The following GRIK4 variants were observed in gnomAD, a reference collection of about 807,000 sequenced individuals.
GRIK4 encodes the protein glutamate ionotropic receptor kainate type subunit 4.
Under a neutral mutation model 104.9 loss-of-function variants are expected in GRIK4, and 40 were observed. The ratio of observed to expected loss-of-function variants is 0.38; its 90% CI spans 0.30 to 0.50. The LOEUF is 0.50. Ranked by LOEUF, GRIK4 falls within the 20% of genes least tolerant of loss-of-function variation. GRIK4 has a pLI of 0.93. For missense variants in GRIK4, 1,047 were observed against 1,308.1 expected, an observed-to-expected ratio of 0.80 and a Z score of 3.08; for synonymous variants, 485 against 524.9, an observed-to-expected ratio of 0.92 and a Z score of 1.04.
At chr11:120,820,438 A>AT (rs1378007337) in intron 6 of GRIK4, among the ~76,000 whole-genome samples, 3 of 152,226 alleles carry the variant, frequency 2.0e-5, no homozygotes, top group Non-Finnish European at 4.4e-5. Context: ...CTGATAAAGC[A>AT]TTTTTTAGCA....
chr11:120,636,118 T>C (rs1949393661), intron 1 of GRIK4, among the ~76,000 whole-genome samples: 2 of 152,252 alleles, frequency 1.3e-5, no homozygotes, highest in South Asian at 4.1e-4. Context: ...TTCATTGCTG[T>C]GTAGTGTTCC....
intron 8 of GRIK4, among the ~76,000 whole-genome samples, chr11:120,845,650 TACAC>T (rs146137487): frequency 0.019 from 2,757 of 146,168 alleles, 69 homozygotes; most frequent in African/African-American, 0.057. Context: ...TGCACACTTC[TACAC>T]ACACACACAC....
intron 1 of GRIK4, among the ~76,000 whole-genome samples, chr11:120,619,202 T>C (rs979333394): frequency 6.6e-6 from 1 of 152,184 alleles, no homozygotes; most frequent in African/African-American, 2.4e-5. Flanking sequence ...TTTGGAGATT[T>C]AAGATTTAAT....
chr11:120,689,666 T>G (rs1950327025), intron 3 of GRIK4, among the ~76,000 whole-genome samples: 1 of 152,094 alleles, frequency 6.6e-6, no homozygotes. Flanking sequence ...CAGACCCAGA[T>G]CACATATCAC....
At chr11:120,597,180 G>A (rs1948813781) in intron 1 of GRIK4, among the ~76,000 whole-genome samples, 1 of 148,614 alleles carries the variant, frequency 6.7e-6, no homozygotes, top group African/African-American at 2.4e-5. Flanking sequence ...TTGTTCTTGG[G>A]CCCCTGGATG....
chr11:120,534,098 A>G (rs968010335), intron 1 of GRIK4, among the ~76,000 whole-genome samples: 1 of 152,144 alleles, frequency 6.6e-6, no homozygotes, highest in Non-Finnish European at 1.5e-5. Context: ...GCACCGGGGT[A>G]CAGAGGGGAG....
chr11:120,773,199 C>G (rs12804333), intron 3 of GRIK4, among the ~76,000 whole-genome samples: 31 of 152,162 alleles, frequency 2.0e-4, no homozygotes, highest in Non-Finnish European at 3.1e-4. Context: ...GCAGAGACAG[C>G]CTTTGTGTCT....
intron 1 of GRIK4, among the ~76,000 whole-genome samples, chr11:120,635,655 T>G (rs1949388529): frequency 1.3e-5 from 2 of 152,198 alleles, no homozygotes; most frequent in South Asian, 4.1e-4. Flanking sequence ...TGGGGTGTGA[T>G]GAGTGTTTGG....
intron 9 of GRIK4, among the ~76,000 whole-genome samples, chr11:120,864,139 G>A (rs1457300517): frequency 6.6e-6 from 1 of 152,116 alleles, no homozygotes; most frequent in African/African-American, 2.4e-5. Context: ...ACCCCTAGCA[G>A]CAATGCAAGC....
chr11:120,924,199 C>T (rs1160954505), intron 13 of GRIK4, among the ~76,000 whole-genome samples: 1 of 152,096 alleles, frequency 6.6e-6, no homozygotes, highest in Non-Finnish European at 1.5e-5. Flanking sequence ...TGCATTTTAC[C>T]CCTTCTTGAA....
intron 14 of GRIK4, among the ~76,000 whole-genome samples, chr11:120,950,894 C>T (rs1176458172): frequency 1.3e-5 from 2 of 152,166 alleles, no homozygotes; most frequent in African/African-American, 4.8e-5. Context: ...TCTCCTGTTC[C>T]CTTCCCTAAG....
At chr11:120,673,174 G>A (rs1210854906) in intron 3 of GRIK4, among the ~76,000 whole-genome samples, 2 of 152,106 alleles carry the variant, frequency 1.3e-5, no homozygotes, top group Non-Finnish European at 2.9e-5. Context: ...TATTGTCTGA[G>A]TCCTCCCATG....
intron 3 of GRIK4, among the ~76,000 whole-genome samples, chr11:120,692,676 C>T (rs545811488): frequency 1.8e-4 from 27 of 152,266 alleles, no homozygotes; most frequent in Non-Finnish European, 2.5e-4. Context: ...GGAACCCAAA[C>T]GATGGAGACC....
chr11:120,620,361 T>C (rs1949171146), intron 1 of GRIK4: 5 of 593,686 alleles, frequency 8.4e-6, no homozygotes, highest in Non-Finnish European at 1.6e-5. Context: ...CTCACTTGTC[T>C]CGAGCCACCA....
chr11:120,518,242 C>T (rs936083386), intron 1 of GRIK4, among the ~76,000 whole-genome samples: 1 of 152,206 alleles, frequency 6.6e-6, no homozygotes, highest in Admixed American at 6.5e-5. Context: ...CAACTTTGGG[C>T]ACAAAGCTAT....
chr11:120,928,483 A>C (rs1943403406), intron 13 of GRIK4, among the ~76,000 whole-genome samples: 1 of 152,148 alleles, frequency 6.6e-6, no homozygotes. Flanking sequence ...GGATTCAAAC[A>C]TGCATCTGCC....
At chr11:120,859,603 T>TGCCCAGCCAG (rs1221708534) in intron 8 of GRIK4, among the ~76,000 whole-genome samples, 1 of 152,194 alleles carries the variant, frequency 6.6e-6, no homozygotes, top group Non-Finnish European at 1.5e-5. Context: ...CTGCCAACCA[T>TGCCCAGCCAG]GCCCAGCCAG....
intron 3 of GRIK4, among the ~76,000 whole-genome samples, chr11:120,789,495 T>C (rs1042603464): frequency 3.9e-5 from 6 of 152,280 alleles, no homozygotes; most frequent in African/African-American, 1.4e-4. Flanking sequence ...TTCTCTTTCC[T>C]GGACTATTAA....
At chr11:120,751,310 C>A (rs1428470870) in intron 3 of GRIK4, among the ~76,000 whole-genome samples, 1 of 152,058 alleles carries the variant, frequency 6.6e-6, no homozygotes, top group African/African-American at 2.4e-5. Context: ...GCCACAGTGC[C>A]ATTCCAATAT....
Sources: allele counts gnomAD v4.1 joint callset (sites outside exome capture counted in the v4.1 genomes callset), GRCh38; gene constraint gnomAD v4.1.1; transcripts MANE v1.5; gene names NCBI Gene and HGNC (gene_info 2026-07-23, HGNC 2026-07-21).